Variants in MYO3B observed in about 807,000 individuals in gnomAD.
MYO3B encodes myosin-IIIb.
A neutral mutation model predicts 174.6 loss-of-function variants in MYO3B; 156 were observed. That is an observed-to-expected ratio of 0.89 (90% confidence interval 0.78 to 1.02). The LOEUF (loss-of-function observed/expected upper bound fraction) is 1.02, where lower values mean the gene tolerates loss of function less well. MYO3B is among the 50% of genes least tolerant of loss of function. The pLI, the probability that MYO3B is intolerant of heterozygous loss-of-function variation, is 0.00. For missense variants in MYO3B, 1,632 were observed against 1,639.4 expected, an observed-to-expected ratio of 1.00 and a Z score of 0.08; for synonymous variants, 563 against 569.1, an observed-to-expected ratio of 0.99 and a Z score of 0.15.
chr2:170,368,440 C>T (rs2094214455), intron 8 of MYO3B, among the ~76,000 whole-genome samples: 1 of 152,178 alleles, frequency 6.6e-6, no homozygotes, highest in Admixed American at 6.5e-5. Flanking sequence ...TTCCCTGTAT[C>T]CAAATCATCT....
In MYO3B at chr2:170,206,891, C is replaced by T. The variant is rs778691569; in HGVS notation, c.321+6607C>T. On this transcript the variant is annotated intron_variant, in intron 3 of 34. Coordinates refer to ENST00000408978, the MANE Select transcript of MYO3B (RefSeq NM_138995.5). This position sits in a 1 kb window ranked among gnomAD's most constrained non-coding sequence, Gnocchi z 4.3. ...TATCTTTGATGTTCCTGGTCTCTGA[C>T]ACTCCCTCCTATCATGAGGTCCTCA... Among the ~76,000 whole-genome samples, 2 of 152,146 alleles carry T rather than the reference C, an allele frequency of 1.3e-5. No homozygotes were observed. The highest frequency in any genetic ancestry group is 2.9e-5 in the Non-Finnish European group (2 of 68,030).
chr2:170,407,805 CT>C lies in MYO3B; in HGVS notation c.2613del (p.Leu872PhefsTer9). ...VVVLRTSENKLLQQLFSIPLT... is the reference protein window; with the variant it reads ...VVVLRTSENKXLQQLFSIPLT... ...GGTCCTGAGAACGTCAGAAAACAAG[CT>C]TCTTCAGCAGCTCTTCTCAATCCCT... On this transcript the variant is annotated frameshift_variant, in exon 22 of 35. Coordinates refer to ENST00000408978, the MANE Select transcript of MYO3B (RefSeq NM_138995.5). LOFTEE classifies it high-confidence loss of function. 1 of 1,614,064 alleles carries C rather than the reference CT, an allele frequency of 6.2e-7. No individual in the cohort carries two copies. The highest frequency in any genetic ancestry group is 8.5e-7 in the Non-Finnish European group (1 of 1,179,942).
intron 23 of MYO3B, among the ~76,000 whole-genome samples, chr2:170,460,622 T>G (rs1214343660): frequency 6.6e-6 from 1 of 152,162 alleles, no homozygotes; most frequent in African/African-American, 2.4e-5. Context: ...TTACTTTATT[T>G]CCAAACATCA....
At chr2:170,617,730 G>C (rs1695558707) in intron 32 of MYO3B, among the ~76,000 whole-genome samples, 1 of 152,110 alleles carries the variant, frequency 6.6e-6, no homozygotes, top group African/African-American at 2.4e-5. Flanking sequence ...CTGTCACTAC[G>C]TTTTTGATAA....
chr2:170,324,116 G>C (rs2093848304), intron 7 of MYO3B, among the ~76,000 whole-genome samples: 1 of 152,196 alleles, frequency 6.6e-6, no homozygotes, highest in African/African-American at 2.4e-5. Flanking sequence ...ACAGGAAAGA[G>C]TCAGAAAGGT....
intron 8 of MYO3B, chr2:170,343,921 A>C (rs1255494658): frequency 1.3e-5 from 2 of 152,244 alleles, no homozygotes; most frequent in African/African-American, 2.4e-5. Flanking sequence ...AGAAAACCCC[A>C]AAAACAGTGG....
chr2:170,217,841 T>C (rs1436005543), intron 6 of MYO3B, among the ~76,000 whole-genome samples: 2 of 152,212 alleles, frequency 1.3e-5, no homozygotes, highest in Non-Finnish European at 2.9e-5. Context: ...GCAACTTATC[T>C]TGTGTACTTT....
At chr2:170,506,160 A>C (rs1687609396) in intron 28 of MYO3B, among the ~76,000 whole-genome samples, 1 of 152,220 alleles carries the variant, frequency 6.6e-6, no homozygotes, top group South Asian at 2.1e-4. Context: ...GCTGGGAACC[A>C]CTGGGCACAT....
At chr2:170,342,814 T>C (rs1423048742) in intron 8 of MYO3B, among the ~76,000 whole-genome samples, 1 of 152,104 alleles carries the variant, frequency 6.6e-6, no homozygotes, top group Admixed American at 6.5e-5. Context: ...GAGCTGGGAT[T>C]TGAACCCCAG....
chr2:170,285,650 C>A (rs2093550511), intron 7 of MYO3B, among the ~76,000 whole-genome samples: 3 of 152,164 alleles, frequency 2.0e-5, no homozygotes, highest in Non-Finnish European at 4.4e-5. Context: ...CAGGCGTGAG[C>A]CACCGTGCTC....
chr2:170,189,137 GT>G (rs1264542698), intron 1 of MYO3B, among the ~76,000 whole-genome samples: 4 of 152,088 alleles, frequency 2.6e-5, no homozygotes, highest in Admixed American at 2.0e-4. Flanking sequence ...TAGGATAAAA[GT>G]TTTTTTCCTT....
At chr2:170,424,014 G>A (rs1271589827) in intron 22 of MYO3B, among the ~76,000 whole-genome samples, 3 of 152,234 alleles carry the variant, frequency 2.0e-5, no homozygotes, top group Non-Finnish European at 2.9e-5. Context: ...AGAGGTGTGA[G>A]CTGAATAAGA....
intron 32 of MYO3B, among the ~76,000 whole-genome samples, chr2:170,642,225 G>A (rs1206177810): frequency 3.9e-5 from 6 of 152,172 alleles, no homozygotes; most frequent in African/African-American, 9.6e-5. Context: ...TCATTCATTC[G>A]TCATTTGTTG....
chr2:170,500,653 T>G (rs906504355), intron 27 of MYO3B, among the ~76,000 whole-genome samples: 1 of 152,158 alleles, frequency 6.6e-6, no homozygotes, highest in African/African-American at 2.4e-5. Flanking sequence ...AGTGACAGGA[T>G]AGATAGTGGC....
At chr2:170,564,907 CTCTT>C (rs1413859583) in intron 32 of MYO3B, among the ~76,000 whole-genome samples, 1 of 152,060 alleles carries the variant, frequency 6.6e-6, no homozygotes, top group Non-Finnish European at 1.5e-5. Context: ...CATAAGGTCT[CTCTT>C]TTAATATCCA....
intron 22 of MYO3B, among the ~76,000 whole-genome samples, chr2:170,425,650 G>T (rs1426424135): frequency 2.0e-5 from 3 of 152,108 alleles, no homozygotes; most frequent in Admixed American, 1.3e-4. Flanking sequence ...GACCTAGTTT[G>T]GTGTGTAAAC....
intron 7 of MYO3B, among the ~76,000 whole-genome samples, chr2:170,271,105 T>C (rs1338896005): frequency 6.6e-6 from 1 of 152,148 alleles, no homozygotes; most frequent in East Asian, 1.9e-4. Flanking sequence ...GGAAGTCACA[T>C]GCAGGTTTTG....
At chr2:170,544,944 A>G (rs1206690407) in intron 32 of MYO3B, among the ~76,000 whole-genome samples, 6 of 152,190 alleles carry the variant, frequency 3.9e-5, no homozygotes, top group Non-Finnish European at 8.8e-5. Flanking sequence ...ATTTAGGGGA[A>G]AAACAGTATA....
chr2:170,477,787 C>T (rs1015157494), intron 25 of MYO3B, among the ~76,000 whole-genome samples: 56 of 151,426 alleles, frequency 3.7e-4, no homozygotes, highest in Admixed American at 2.9e-3. Context: ...GAGGGGGAGG[C>T]GGGGAATTAC....
Sources: allele counts gnomAD v4.1 joint callset (sites outside exome capture counted in the v4.1 genomes callset), GRCh38; gene constraint gnomAD v4.1.1; non-coding constraint Gnocchi (gnomAD v3.1); transcripts MANE v1.5; gene names NCBI Gene and HGNC (gene_info 2026-07-23, HGNC 2026-07-21).